Variants in B3GALT1 observed in about 807,000 individuals in gnomAD.
B3GALT1 encodes the protein UDP-Gal:betaGlcNAc beta 1,3-galactosyltransferase, polypeptide 1.
B3GALT1 carries 10 observed loss-of-function variants against 23.2 expected under a neutral mutation model. The ratio of observed to expected loss-of-function variants is 0.43; its 90% CI spans 0.27 to 0.73. The LOEUF (loss-of-function observed/expected upper bound fraction) is 0.73, where lower values mean the gene tolerates loss of function less well. Ranked by LOEUF, B3GALT1 falls within the 30% of genes least tolerant of loss-of-function variation. The pLI is 0.21. For synonymous variants in B3GALT1, 156 were observed against 141.5 expected, an observed-to-expected ratio of 1.10 and a Z score of -0.73; for missense variants, 299 against 405.4, an observed-to-expected ratio of 0.74 and a Z score of 2.25.
At chr2:167,700,718 C>A (rs1686868254) in intron 3 of B3GALT1, among the ~76,000 whole-genome samples, 1 of 151,944 alleles carries the variant, frequency 6.6e-6, no homozygotes, top group South Asian at 2.1e-4. Context: ...TGGTGCAGTG[C>A]GGGTAGGGTT....
chr2:167,531,498 AAAAGGCATATTTCCAAGATAGG>A (rs1683326591), intron 2 of B3GALT1, among the ~76,000 whole-genome samples: 2 of 152,230 alleles, frequency 1.3e-5, no homozygotes, highest in Admixed American at 6.5e-5. Flanking sequence ...AGCCAGTCAC[AAAAGGCATATTTCCAAGATAGG>A]AAAGTCTGAT....
chr2:167,834,630 C>G (rs1415395773), intron 4 of B3GALT1, among the ~76,000 whole-genome samples: 2 of 152,166 alleles, frequency 1.3e-5, no homozygotes, highest in Non-Finnish European at 2.9e-5. Flanking sequence ...AGGTGGATCA[C>G]CTGAGGTCAG....
chr2:167,524,085 C>T (rs1051611149), intron 2 of B3GALT1, among the ~76,000 whole-genome samples: 10 of 151,972 alleles, frequency 6.6e-5, no homozygotes, highest in African/African-American at 2.4e-4. Context: ...GAAATTGTAC[C>T]AGTAGTTCAC....
intron 3 of B3GALT1, among the ~76,000 whole-genome samples, chr2:167,781,894 C>T (rs1979099): frequency 0.6 from 90,662 of 151,632 alleles, 28,283 homozygotes; most frequent in East Asian, 0.84. Context: ...GGTGTGTGCC[C>T]CTACGCCCAG....
chr2:167,867,110 T>C (rs1690240278), intron 4 of B3GALT1, among the ~76,000 whole-genome samples: 1 of 152,150 alleles, frequency 6.6e-6, no homozygotes, highest in Non-Finnish European at 1.5e-5. Context: ...GTATTTTTAG[T>C]AGAGACGGGG....
At chr2:167,484,262 T>C (rs974615014) in intron 1 of B3GALT1, among the ~76,000 whole-genome samples, 2 of 152,114 alleles carry the variant, frequency 1.3e-5, no homozygotes, top group African/African-American at 2.4e-5. Flanking sequence ...GAGCAATTAC[T>C]ATACCAGGTA....
chr2:167,820,868 G>A (rs1289066425), intron 4 of B3GALT1, among the ~76,000 whole-genome samples: 1 of 152,130 alleles, frequency 6.6e-6, no homozygotes, highest in Non-Finnish European at 1.5e-5. Flanking sequence ...GCCTGCCTCA[G>A]GCTGTTCTGA....
At chr2:167,726,611 A>G (rs1432635371) in intron 3 of B3GALT1, among the ~76,000 whole-genome samples, 6 of 152,364 alleles carry the variant, frequency 3.9e-5, no homozygotes, top group South Asian at 4.1e-4. Context: ...AATATTTTAT[A>G]TACTTTGTCT....
At chr2:167,519,217 T>C (rs1041871595) in intron 2 of B3GALT1, among the ~76,000 whole-genome samples, 2 of 152,138 alleles carry the variant, frequency 1.3e-5, no homozygotes, top group Admixed American at 6.6e-5. Flanking sequence ...CTCCATGCCA[T>C]TGGAAATCAC....
intron 3 of B3GALT1, among the ~76,000 whole-genome samples, chr2:167,793,429 C>A (rs1322679246): frequency 6.6e-6 from 1 of 152,092 alleles, no homozygotes; most frequent in Non-Finnish European, 1.5e-5. Flanking sequence ...CGTCCTGGAT[C>A]ACGGGGAGGG....
chr2:167,545,160 G>A (rs1427789438), intron 2 of B3GALT1, among the ~76,000 whole-genome samples: 2 of 146,736 alleles, frequency 1.4e-5, no homozygotes, highest in African/African-American at 2.5e-5. Flanking sequence ...TCAGCCTCCC[G>A]AGTAGCTGGG....
chr2:167,408,086 A>G (rs114485912), intron 1 of B3GALT1, among the ~76,000 whole-genome samples: 414 of 149,024 alleles, frequency 2.8e-3, no homozygotes, highest in African/African-American at 9.6e-3. Context: ...ACACAAAACT[A>G]CAGGCCAATA....
intron 2 of B3GALT1, among the ~76,000 whole-genome samples, chr2:167,520,812 A>G (rs747014654): frequency 6.6e-6 from 1 of 152,192 alleles, no homozygotes; most frequent in Non-Finnish European, 1.5e-5. Flanking sequence ...TCACATCTGC[A>G]GCTGATTTGG....
At chr2:167,583,611 T>C (rs917141632) in intron 2 of B3GALT1, among the ~76,000 whole-genome samples, 11 of 152,242 alleles carry the variant, frequency 7.2e-5, no homozygotes, top group Non-Finnish European at 1.6e-4. Context: ...GTGAACATTA[T>C]TGGGAATATT....
At chr2:167,545,419 C>T (rs979038538) in intron 2 of B3GALT1, among the ~76,000 whole-genome samples, 1 of 152,112 alleles carries the variant, frequency 6.6e-6, no homozygotes, top group African/African-American at 2.4e-5. Context: ...ATTTTCTATC[C>T]TCTTGTGGGT....
At chr2:167,671,336 C>G (rs540156509) in intron 3 of B3GALT1, among the ~76,000 whole-genome samples, 20 of 152,112 alleles carry the variant, frequency 1.3e-4, no homozygotes, top group Non-Finnish European at 2.6e-4. Flanking sequence ...ACAGAACATG[C>G]TATCCAACAG....
chr2:167,403,181 C>A (rs1411411192), intron 1 of B3GALT1, among the ~76,000 whole-genome samples: 1 of 124,482 alleles, frequency 8.0e-6, no homozygotes, highest in Non-Finnish European at 1.6e-5. Flanking sequence ...CCTCCCCCCA[C>A]CCCACTACAG....
intron 1 of B3GALT1, among the ~76,000 whole-genome samples, chr2:167,353,942 A>T (rs535133252): frequency 6.6e-5 from 10 of 152,144 alleles, no homozygotes; most frequent in Admixed American, 2.0e-4. Context: ...ATTTATGATC[A>T]TTGTGAAATC....
intron 4 of B3GALT1, among the ~76,000 whole-genome samples, chr2:167,848,502 A>T (rs953843953): frequency 3.9e-5 from 6 of 152,228 alleles, no homozygotes; most frequent in African/African-American, 1.4e-4. Context: ...TCACATGATG[A>T]TCTCAATAGA....
Sources: allele counts gnomAD v4.1 joint callset (sites outside exome capture counted in the v4.1 genomes callset), GRCh38; gene constraint gnomAD v4.1.1; transcripts MANE v1.5; gene names NCBI Gene and HGNC (gene_info 2026-07-23, HGNC 2026-07-21).